Variants in TTLL10 observed in about 807,000 individuals in gnomAD.
The protein encoded by TTLL10 is inactive polyglycylase TTLL10.
A neutral mutation model predicts 69.0 loss-of-function variants in TTLL10; 61 were observed. That is an observed-to-expected ratio of 0.88 (90% CI 0.72 to 1.09). TTLL10 has a LOEUF of 1.09. TTLL10 is among the 50% of genes least tolerant of loss of function. The probability of loss-of-function intolerance (pLI) is 0.00; values close to 1 mark genes in which losing one functional copy is unlikely to be tolerated. For synonymous variants in TTLL10, 408 were observed against 393.3 expected, an observed-to-expected ratio of 1.04 and a Z score of -0.44; for missense variants, 962 against 945.9, an observed-to-expected ratio of 1.02 and a Z score of -0.22.
At chr1:1,195,333 G>A (rs1280076050) in intron 13 of TTLL10, among the ~76,000 whole-genome samples, 3 of 151,766 alleles carry the variant, frequency 2.0e-5, no homozygotes, top group Non-Finnish European at 4.4e-5. Flanking sequence ...ATCTCAATTG[G>A]CCTATCTGCA....
At chr1:1,196,946 C>T in intron 14 of TTLL10, 147 bp from the exon 15 acceptor site, 1 of 857,332 alleles carries the variant, frequency 1.2e-6, no homozygotes, top group East Asian at 2.7e-5. Flanking sequence ...TTCAGACCCT[C>T]AGAGCTTCAG....
rs770431530 is a variant in TTLL10, at chr1:1,180,364, G to C, written c.506+24G>C. 14 of 1,545,668 alleles carry C rather than the reference G, an allele frequency of 9.1e-6. No homozygotes were observed. In the East Asian group the frequency reaches 1.7e-4, roughly 19 times the overall value. On this transcript the variant is annotated intron_variant, in intron 6 of 15. Coordinates refer to ENST00000379289, the MANE Select transcript of TTLL10 (RefSeq NM_001130045.2). ...ATGTGAGTAGCGGCCCTGGGCGCCC[G>C]TGGTCCCACTGAATACCCACCGCCT...
chr1:1,180,866 T>C lies in TTLL10; in HGVS notation c.755+6T>C, dbSNP rs202192415. 2.1e-5 allele frequency: 33 copies of C among 1,555,144 alleles called. No homozygotes were observed. In the East Asian group the frequency reaches 6.1e-4, roughly 29 times the overall value. On this transcript the variant is annotated splice_donor_region_variant and intron_variant, in intron 8 of 15. Transcript: ENST00000379289. Reference sequence around the variant, plus strand: ...CCGGGGGGGGTCCAGGCCAGGTGAGTCTGCCCCTGCCCCTGCCCCCGTCCC... The same window carrying C: ...CCGGGGGGGGTCCAGGCCAGGTGAGCCTGCCCCTGCCCCTGCCCCCGTCCC...
At position 1,179,598 on chromosome 1, in the gene TTLL10, C is replaced by T. The variant is rs532514377; in HGVS notation, c.119-59C>T. On this transcript the variant is annotated intron_variant, in intron 4 of 15. Coordinates refer to ENST00000379289, the MANE Select transcript of TTLL10 (RefSeq NM_001130045.2). ...GGCAGCCCCTCGTCTCCCGGCCTGACAATGGCCCCTTGGGTCACCCATGAC... is the reference window on the plus strand; with the variant it reads ...GGCAGCCCCTCGTCTCCCGGCCTGATAATGGCCCCTTGGGTCACCCATGAC... The T allele has an allele frequency of 9.7e-6, 15 of 1,548,564 alleles. No individual in the cohort carries two copies. In the Admixed American group the frequency reaches 2.8e-4, roughly 28 times the overall value.
Position 1,197,927 on chromosome 1 carries a change from T to C in TTLL10, c.*80T>C. 1 of 1,355,722 alleles carries C rather than the reference T, an allele frequency of 7.4e-7. No individual in the cohort carries two copies. The highest frequency in any genetic ancestry group is 9.5e-7 in the Non-Finnish European group (1 of 1,055,030). 84.0% of individuals were successfully genotyped at this position (1,355,722 alleles called of 1,614,324 possible). On this transcript the variant is annotated 3_prime_UTR_variant, in exon 16 of 16. Coordinates refer to ENST00000379289, the MANE Select transcript of TTLL10 (RefSeq NM_001130045.2). ...CCCTCAGGGACCTATAAAGCCCACT[T>C]TGCTACAAACACAGTCTCTGCAGCA... is the stretch of plus-strand genomic sequence containing the variant.
Position 1,197,426 on chromosome 1 carries a change from C to G in TTLL10, c.1613-12C>G, listed in dbSNP as rs914440342. On this transcript the variant is annotated splice_polypyrimidine_tract_variant and intron_variant, in intron 15 of 15. Coordinates refer to ENST00000379289, the MANE Select transcript of TTLL10 (RefSeq NM_001130045.2). ...TGCCCCCCACTCACCCTCTCTCCCC[C>G]ACCCGCACCAGACCTGGTGCTCGAG... 7.2e-6 allele frequency: 11 copies of G among 1,519,230 alleles called. No homozygotes were observed. Among genetic ancestry groups the G allele is most frequent in the Non-Finnish European group, 8.8e-6 (10 of 1,133,898 alleles). The allele number at this position is 1,519,230 out of a possible 1,614,324, so 94.1% of individuals were successfully genotyped here.
intron 3 of TTLL10, among the ~76,000 whole-genome samples, chr1:1,176,556 C>A (rs945961059): frequency 3.3e-5 from 5 of 152,110 alleles, no homozygotes; most frequent in Admixed American, 3.3e-4. Flanking sequence ...ACCTGGTAGG[C>A]CAGGTATGGA....
In TTLL10 at chr1:1,181,861, A is replaced by C. The variant is rs907203279; in HGVS notation, c.830+46A>C. 4.6e-6 allele frequency: 7 copies of C among 1,533,850 alleles called. No homozygotes were observed. Among genetic ancestry groups the C allele is most frequent in the Non-Finnish European group, 6.2e-6 (7 of 1,125,778 alleles). ...AGGGGCCCTTCAGACCGAAGTTCAG[A>C]CCTAAACCTGGTGTCGTCTGAAAAG... On this transcript the variant is annotated intron_variant, in intron 9 of 15. Coordinates refer to ENST00000379289, the MANE Select transcript of TTLL10 (RefSeq NM_001130045.2). The surrounding 1 kb of genome is among the most constrained non-coding windows in gnomAD (Gnocchi z 4.6).
rs1341641595 is a variant in TTLL10 at position 1,180,308 on chromosome 1, C to T, written c.474C>T (p.Phe158=). The change falls in exon 6 of 16, where the codon TTC becomes TTT. Residue 158 remains phenylalanine (F), a synonymous_variant. Coordinates refer to ENST00000379289, the MANE Select transcript of TTLL10 (RefSeq NM_001130045.2). ...CCCACAGCACCCGGCCGGGGCCCTT[C>T]TTCTACATTGGAGGCAGCAACGGGG... The part of the protein sequence containing the change: ...PSPHSTRPGP[F]FYIGGSNGAT... The T allele has an allele frequency of 1.3e-6, 2 of 1,585,116 alleles. No individual in the cohort carries two copies. Among genetic ancestry groups the T allele is most frequent in the Non-Finnish European group, 1.7e-6 (2 of 1,166,668 alleles).
At position 1,196,850 on chromosome 1, in the gene TTLL10, G is replaced by A. The variant is rs1044456753; in HGVS notation, c.1518+134G>A. ...CCACCCTGCCTGCATGCAGCCCTGG[G>A]GATGGGTGTATCCATGAGGCTCACC... On this transcript the variant is annotated intron_variant, in intron 14 of 15. Coordinates refer to ENST00000379289, the MANE Select transcript of TTLL10 (RefSeq NM_001130045.2). The A allele has an allele frequency of 4.3e-5, 34 of 783,026 alleles. No individual in the cohort carries two copies. In the East Asian group the frequency reaches 7.2e-4, roughly 17 times the overall value. The allele number at this position is 783,026 out of a possible 1,614,324, so 48.5% of individuals were successfully genotyped here.
At position 1,175,473 on chromosome 1, in the gene TTLL10, G is replaced by A. The variant is rs574859586; in HGVS notation, c.-28+984G>A. The A allele has an allele frequency of 2.3e-3, 836 of 361,330 alleles. 8 individuals are homozygous for A. The highest frequency in any genetic ancestry group is 0.011 in the Admixed American group (290 of 26,890). The allele number at this position is 361,330 out of a possible 1,614,324, so 22.4% of individuals were successfully genotyped here. On this transcript the variant is annotated intron_variant, in intron 3 of 15. Transcript: ENST00000379289. Reference sequence around the variant, plus strand: ...TGCCCTGTCCATATCATCCCGGCACGAATGATGTTTGGGGCAGAGCTGCCC... The same window carrying A: ...TGCCCTGTCCATATCATCCCGGCACAAATGATGTTTGGGGCAGAGCTGCCC...
At chr1:1,191,942 G>A (rs11260552) in intron 13 of TTLL10, among the ~76,000 whole-genome samples, 20,489 of 152,324 alleles carry the variant, frequency 0.13, 2,529 homozygotes, top group East Asian at 0.59. Context: ...GCGGTTTTCC[G>A]CCCTGGGCGG....
Position 1,185,433 on chromosome 1 carries a change from A to G in TTLL10, c.1401+324A>G. The G allele has an allele frequency of 1.7e-6, 2 of 1,143,280 alleles. No individual in the cohort carries two copies. The highest frequency in any genetic ancestry group is 2.1e-6 in the Non-Finnish European group (2 of 930,258). The allele number at this position is 1,143,280 out of a possible 1,614,324, so 70.8% of individuals were successfully genotyped here. ...TGTGAAGAGTCTTTGTTCCTTTCAG[A>G]TCCTCCACTTGGCAGGCAGGGCCAA... is the stretch of plus-strand genomic sequence containing the variant. On this transcript the variant is annotated intron_variant, in intron 13 of 15. Transcript: ENST00000379289. The surrounding 1 kb of genome is among the most constrained non-coding windows in gnomAD (Gnocchi z 6.1).
intron 13 of TTLL10, among the ~76,000 whole-genome samples, chr1:1,190,986 T>C (rs1311609716): frequency 1.3e-5 from 2 of 152,026 alleles, no homozygotes; most frequent in African/African-American, 4.8e-5. Context: ...CCACCACGCC[T>C]GGCTAATTTT....
At chr1:1,179,525 C>T (rs1646976124) in intron 4 of TTLL10, 132 bp from the exon 5 acceptor site, 2 of 1,435,568 alleles carry the variant, frequency 1.4e-6, no homozygotes, top group Non-Finnish European at 1.9e-6. Flanking sequence ...GGGGAGCTGT[C>T]GCGCTCCGCG....
At chr1:1,176,361 A>T (rs752815482) in intron 3 of TTLL10, 1 of 452,386 alleles carries the variant, frequency 2.2e-6, no homozygotes, top group South Asian at 1.6e-5. Flanking sequence ...GACGCTGTGC[A>T]GCTGGAGAGA....
chr1:1,193,678 T>G (rs1046436348), intron 13 of TTLL10, among the ~76,000 whole-genome samples: 8 of 152,242 alleles, frequency 5.3e-5, no homozygotes, highest in African/African-American at 1.4e-4. Context: ...TTGGCCAGGC[T>G]GATCTCAAAC....
At chr1:1,179,838 C>T (rs1182816656) in intron 5 of TTLL10, 101 bp downstream of exon 5, 24 of 1,458,774 alleles carry the variant, frequency 1.6e-5, no homozygotes, top group Admixed American at 2.5e-5. Context: ...AGGGTGGTCA[C>T]GGCCCCTCCC....
rs1471015487 is a variant in TTLL10 at position 1,179,654 on chromosome 1, C to T, written c.119-3C>T. ...CATGGACATTGTGACCCCTGCCCTC[C>T]AGGGACCATCCCTGCGTCACGTCTG... On this transcript the variant is annotated splice_region_variant and splice_polypyrimidine_tract_variant and intron_variant, in intron 4 of 15. Transcript: ENST00000379289. 8.4e-6 allele frequency: 13 copies of T among 1,550,866 alleles called. No homozygotes were observed. Among genetic ancestry groups the T allele is most frequent in the Non-Finnish European group, 7.0e-6 (8 of 1,146,862 alleles).
Sources: gnomAD v4.1 joint callset for allele counts (sites outside exome capture counted in the v4.1 genomes callset) on GRCh38, gnomAD v4.1.1 for gene constraint, Gnocchi (gnomAD v3.1) non-coding constraint, MANE v1.5 for transcripts, NCBI Gene and HGNC (gene_info 2026-07-23, HGNC 2026-07-21) for gene names.